The following SLC22A23 variants were observed in gnomAD, a reference collection of about 807,000 sequenced individuals.
SLC22A23 encodes solute carrier family 22 member 23, also known as ion transporter protein.
SLC22A23 carries 26 observed loss-of-function variants against 61.0 expected under a neutral mutation model. The observed-to-expected ratio is 0.43, with a 90% confidence interval of 0.31 to 0.59. The LOEUF is 0.59. SLC22A23 is among the 20% of genes least tolerant of loss of function. The probability of loss-of-function intolerance (pLI) is 0.11; values close to 1 mark genes in which losing one functional copy is unlikely to be tolerated. For synonymous variants in SLC22A23, 430 were observed against 413.9 expected (o/e 1.04, Z -0.47); for missense variants, 796 against 934.7 (o/e 0.85, Z 1.94).
chr6:3,280,369 C>G (rs1759329070), intron 9 of SLC22A23, among the ~76,000 whole-genome samples: 1 of 152,218 alleles, frequency 6.6e-6, no homozygotes, highest in Non-Finnish European at 1.5e-5. Flanking sequence ...CAGCACCCTC[C>G]CCTCATCCTG....
chr6:3,273,727 TATATA>T (rs1480848441), intron 9 of SLC22A23, among the ~76,000 whole-genome samples: 3 of 152,228 alleles, frequency 2.0e-5, no homozygotes, highest in African/African-American at 7.2e-5. Context: ...AAGGCAGCCT[TATATA>T]ATACTACTGT....
intron 1 of SLC22A23, chr6:3,444,791 A>T (rs1771800168): frequency 1.0e-6 from 1 of 985,580 alleles, no homozygotes; most frequent in Non-Finnish European, 1.2e-6. Context: ...ATCACCCTGG[A>T]TGCAGGCTTC....
intron 3 of SLC22A23, among the ~76,000 whole-genome samples, chr6:3,361,157 T>C (rs1411452501): frequency 6.7e-6 from 1 of 149,382 alleles, no homozygotes; most frequent in African/African-American, 2.5e-5. Flanking sequence ...CAAAGGAGCC[T>C]GCAGCAGTGT....
chr6:3,432,091 T>C (rs1770903570), intron 1 of SLC22A23: 1 of 482,584 alleles, frequency 2.1e-6, no homozygotes, highest in African/African-American at 2.1e-5. Context: ...GTGTCATCTC[T>C]ACCTTGGAAA....
At chr6:3,282,888 G>T (rs565042398) in intron 9 of SLC22A23, among the ~76,000 whole-genome samples, 2 of 152,238 alleles carry the variant, frequency 1.3e-5, no homozygotes, top group South Asian at 2.1e-4. Context: ...GGGCAGAGAC[G>T]GCACCAGGAA....
chr6:3,355,594 T>TC (rs1198731635), intron 3 of SLC22A23, among the ~76,000 whole-genome samples: 1 of 152,156 alleles, frequency 6.6e-6, no homozygotes, highest in Non-Finnish European at 1.5e-5. Flanking sequence ...TTCTCATGAG[T>TC]CTGGGCTAGG....
At chr6:3,292,737 C>T (rs1179550327) in intron 5 of SLC22A23, among the ~76,000 whole-genome samples, 2 of 152,228 alleles carry the variant, frequency 1.3e-5, no homozygotes, top group Non-Finnish European at 2.9e-5. Flanking sequence ...CAAAGCTACG[C>T]TCTCCTTGGA....
chr6:3,338,502 T>C (rs1686491904), intron 3 of SLC22A23, among the ~76,000 whole-genome samples: 1 of 152,226 alleles, frequency 6.6e-6, no homozygotes, highest in African/African-American at 2.4e-5. Context: ...AATTTTTGTG[T>C]TTTTAGGAGA....
At position 3,327,622 on chromosome 6, in the gene SLC22A23, T is replaced by C. The variant is rs1189314388; in HGVS notation, c.914-3620A>G. 6.6e-6 allele frequency among the ~76,000 whole-genome samples: 1 copy of C among 152,236 alleles called. No homozygotes were observed. The highest frequency in any genetic ancestry group is 1.5e-5 in the Non-Finnish European group (1 of 68,044). ...CCTTGGTTCAGTCAGTTAGGAGTTC[T>C]GTGCCTCAGTTTTTTTGTCTGCAAA... On this transcript the variant is annotated intron_variant, in intron 3 of 9. Coordinates refer to ENST00000406686, the MANE Select transcript of SLC22A23 (RefSeq NM_015482.2). This position sits in a 1 kb window ranked among gnomAD's most constrained non-coding sequence, Gnocchi z 4.1.
intron 3 of SLC22A23, among the ~76,000 whole-genome samples, chr6:3,337,555 A>G (rs541072332): frequency 6.6e-6 from 1 of 152,142 alleles, no homozygotes; most frequent in Non-Finnish European, 1.5e-5. Flanking sequence ...CAGTTAGCAA[A>G]AGGAAGAGCT....
intron 2 of SLC22A23, among the ~76,000 whole-genome samples, chr6:3,412,855 G>A (rs1441527989): frequency 1.3e-5 from 2 of 152,206 alleles, no homozygotes; most frequent in African/African-American, 2.4e-5. Context: ...ATGGGGCCAT[G>A]AGCCATGGAA....
chr6:3,439,470 C>G (rs75206466), intron 1 of SLC22A23: 3,859 of 316,246 alleles, frequency 0.012, 32 homozygotes, highest in African/African-American at 0.03. Context: ...AAGTTCTGAA[C>G]AGCAGTGGTT....
At chr6:3,435,360 C>G (rs1046649672) in intron 1 of SLC22A23, among the ~76,000 whole-genome samples, 45 of 152,058 alleles carry the variant, frequency 3.0e-4, no homozygotes, top group African/African-American at 1.1e-3. Flanking sequence ...TCCCTGCTCC[C>G]CTTCCCCTCT....
intron 4 of SLC22A23, among the ~76,000 whole-genome samples, chr6:3,310,470 G>A (rs1762313208): frequency 6.6e-6 from 1 of 151,228 alleles, no homozygotes; most frequent in Non-Finnish European, 1.5e-5. Context: ...GCACCGCAGG[G>A]TAACTGATGA....
chr6:3,319,428 C>T (rs980458618), intron 4 of SLC22A23, among the ~76,000 whole-genome samples: 1 of 152,214 alleles, frequency 6.6e-6, no homozygotes, highest in African/African-American at 2.4e-5. Context: ...GACCACCCTA[C>T]TTGGTACGTA....
At chr6:3,423,434 G>A (rs1348412585) in intron 1 of SLC22A23, among the ~76,000 whole-genome samples, 1 of 152,212 alleles carries the variant, frequency 6.6e-6, no homozygotes, top group Non-Finnish European at 1.5e-5. Flanking sequence ...TACCCACAAA[G>A]CAGCAGAGAT....
chr6:3,424,994 G>A (rs1196416303), intron 1 of SLC22A23, among the ~76,000 whole-genome samples: 1 of 152,162 alleles, frequency 6.6e-6, no homozygotes, highest in East Asian at 1.9e-4. Context: ...ACGTCAGGTA[G>A]GAATGACCCT....
At chr6:3,354,284 C>T (rs1764944930) in intron 3 of SLC22A23, among the ~76,000 whole-genome samples, 2 of 152,212 alleles carry the variant, frequency 1.3e-5, no homozygotes, top group Admixed American at 6.5e-5. Context: ...AAGGTAAATT[C>T]AACAGGAAGT....
At chr6:3,325,905 T>C (rs1763253299) in intron 3 of SLC22A23, among the ~76,000 whole-genome samples, 1 of 152,264 alleles carries the variant, frequency 6.6e-6, no homozygotes, top group South Asian at 2.1e-4. Context: ...GATGGCGTCG[T>C]ATCAGTGGTT....
Sources: allele counts gnomAD v4.1 joint callset (sites outside exome capture counted in the v4.1 genomes callset), GRCh38; gene constraint gnomAD v4.1.1; non-coding constraint Gnocchi (gnomAD v3.1); transcripts MANE v1.5; gene names NCBI Gene and HGNC (gene_info 2026-07-23, HGNC 2026-07-21).